The following SUMF1 variants were observed in gnomAD, a reference collection of about 807,000 sequenced individuals.
The protein encoded by SUMF1 is sulfatase modifying factor 1.
SUMF1 carries 48 observed loss-of-function variants against 47.6 expected under a neutral mutation model. The ratio of observed to expected loss-of-function variants is 1.01; its 90% confidence interval spans 0.80 to 1.28. SUMF1 has a LOEUF of 1.28. Ranked by LOEUF, SUMF1 falls within the 50% of genes most tolerant of loss-of-function variation. SUMF1 has a pLI of 0.00. For missense variants in SUMF1, 571 were observed against 485.4 expected, an observed-to-expected ratio of 1.18 and a Z score of -1.66; for synonymous variants, 230 against 192.1, an observed-to-expected ratio of 1.20 and a Z score of -1.63.
At chr3:4,397,835 C>T (rs973352695) in intron 7 of SUMF1, among the ~76,000 whole-genome samples, 1 of 152,116 alleles carries the variant, frequency 6.6e-6, no homozygotes. Context: ...GGTATAATTT[C>T]ATAGCTTGCT....
chr3:4,382,336 G>GCACACACACACCACACACA (rs143701343), intron 7 of SUMF1, among the ~76,000 whole-genome samples: 6 of 149,346 alleles, frequency 4.0e-5, no homozygotes, highest in African/African-American at 1.5e-4. Context: ...ACACATACAT[G>GCACACACACACCACACACA]CACACACACA....
At chr3:4,083,735 C>T (rs931859397) in intron 8 of SUMF1, among the ~76,000 whole-genome samples, 1 of 151,634 alleles carries the variant, frequency 6.6e-6, no homozygotes, top group Non-Finnish European at 1.5e-5. Flanking sequence ...GACATCATGC[C>T]TATCCTCAGA....
intron 8 of SUMF1, among the ~76,000 whole-genome samples, chr3:4,138,569 G>A (rs1693998711): frequency 6.6e-6 from 1 of 152,046 alleles, no homozygotes; most frequent in Non-Finnish European, 1.5e-5. Flanking sequence ...GAAAACCAAA[G>A]CTCAGTGAGC....
chr3:4,181,012 G>C (rs1212021900), intron 8 of SUMF1, among the ~76,000 whole-genome samples: 1 of 152,094 alleles, frequency 6.6e-6, no homozygotes, highest in East Asian at 1.9e-4. Context: ...GGGGGTTAGT[G>C]AATCAAGTAG....
intron 7 of SUMF1, among the ~76,000 whole-genome samples, chr3:4,387,871 G>C (rs998334488): frequency 1.8e-4 from 27 of 151,936 alleles, no homozygotes; most frequent in African/African-American, 6.5e-4. Flanking sequence ...CATGTGTTTG[G>C]AGATTTTCCT....
chr3:4,098,690 A>G (rs1390684499), intron 8 of SUMF1, among the ~76,000 whole-genome samples: 2 of 152,150 alleles, frequency 1.3e-5, no homozygotes, highest in Non-Finnish European at 2.9e-5. Context: ...AAACATTGGT[A>G]TAGGATTTTA....
chr3:4,102,381 A>G (rs1305413532), intron 8 of SUMF1, among the ~76,000 whole-genome samples: 2 of 152,126 alleles, frequency 1.3e-5, no homozygotes, highest in African/African-American at 2.4e-5. Flanking sequence ...TAACAAGAAC[A>G]TAAGTTCCTC....
At chr3:4,316,046 CAAA>C (rs774059331) in intron 8 of SUMF1, among the ~76,000 whole-genome samples, 1,548 of 76,860 alleles carry the variant, frequency 0.02, 20 homozygotes, top group African/African-American at 0.061. Context: ...GACTCTGTCT[CAAA>C]AAAAAAAAAA....
At chr3:4,115,067 ACT>A (rs1032340939) in intron 8 of SUMF1, among the ~76,000 whole-genome samples, 30 of 151,750 alleles carry the variant, frequency 2.0e-4, no homozygotes, top group African/African-American at 7.3e-4. Flanking sequence ...CACACCCGCC[ACT>A]CTGTGCCTAT....
At chr3:4,413,352 T>C (rs971243289) in intron 6 of SUMF1, among the ~76,000 whole-genome samples, 1 of 152,106 alleles carries the variant, frequency 6.6e-6, no homozygotes, top group Non-Finnish European at 1.5e-5. Context: ...TTAACCTATA[T>C]GGGTGCTATT....
At chr3:4,156,017 A>G (rs879928042) in intron 8 of SUMF1, among the ~76,000 whole-genome samples, 2 of 151,376 alleles carry the variant, frequency 1.3e-5, no homozygotes, top group Non-Finnish European at 2.9e-5. Context: ...TTTGTTTTTC[A>G]TCTGAAAGTA....
At chr3:4,038,424 C>T (rs1210347878) in intron 9 of SUMF1, among the ~76,000 whole-genome samples, 2 of 152,114 alleles carry the variant, frequency 1.3e-5, no homozygotes, top group African/African-American at 4.8e-5. Flanking sequence ...TTTGCTCCTT[C>T]ATTAGACTGA....
chr3:4,111,255 G>T (rs1693299403), intron 8 of SUMF1, among the ~76,000 whole-genome samples: 1 of 151,848 alleles, frequency 6.6e-6, no homozygotes, highest in Non-Finnish European at 1.5e-5. Context: ...CGCCAATACT[G>T]TATTTTCATT....
chr3:4,315,037 T>C (rs1477480097), intron 8 of SUMF1, among the ~76,000 whole-genome samples: 1 of 152,188 alleles, frequency 6.6e-6, no homozygotes, highest in Non-Finnish European at 1.5e-5. Context: ...TTAAGTATCT[T>C]AGGGTTTATA....
chr3:4,102,407 G>T (rs964740020), intron 8 of SUMF1, among the ~76,000 whole-genome samples: 2 of 152,052 alleles, frequency 1.3e-5, no homozygotes, highest in African/African-American at 4.8e-5. Flanking sequence ...TAACCTTACT[G>T]CTGTGTATAT....
intron 8 of SUMF1, among the ~76,000 whole-genome samples, chr3:4,240,812 A>G (rs1457535611): frequency 1.3e-5 from 2 of 151,814 alleles, no homozygotes; most frequent in African/African-American, 2.4e-5. Context: ...TTTTATTTTT[A>G]TATGTTTTTA....
intron 8 of SUMF1, among the ~76,000 whole-genome samples, chr3:4,220,851 C>T (rs313683): frequency 0.59 from 89,550 of 151,898 alleles, 26,585 homozygotes; most frequent in South Asian, 0.69. Context: ...GGATCCCTTC[C>T]AGCAACATGA....
intron 8 of SUMF1, among the ~76,000 whole-genome samples, chr3:4,249,858 C>G (rs1477860634): frequency 6.6e-6 from 1 of 152,106 alleles, no homozygotes; most frequent in Non-Finnish European, 1.5e-5. Context: ...AAGTGCTCCT[C>G]CAGTCAACAC....
At chr3:4,304,041 C>G (rs1025466296) in intron 8 of SUMF1, 1 of 218,042 alleles carries the variant, frequency 4.6e-6, no homozygotes, top group Non-Finnish European at 9.5e-6. Flanking sequence ...CAGTACCTCT[C>G]TTCCGGAGTG....
Sources: gnomAD v4.1 joint callset for allele counts (sites outside exome capture counted in the v4.1 genomes callset) on GRCh38, gnomAD v4.1.1 for gene constraint, MANE v1.5 for transcripts, NCBI Gene and HGNC (gene_info 2026-07-23, HGNC 2026-07-21) for gene names.